TRAPPC9: variants seen among roughly 807,000 people sequenced by gnomAD.
The protein encoded by TRAPPC9 is IKK2 binding protein.
In TRAPPC9, 83 loss-of-function variants were observed where a neutral mutation model predicts 124.0. The observed-to-expected ratio is 0.67, with a 90% CI of 0.56 to 0.80. The LOEUF (loss-of-function observed/expected upper bound fraction) is 0.80, where lower values mean the gene tolerates loss of function less well. Among genes scored for constraint, TRAPPC9 ranks in the 30% least tolerant of loss-of-function variants. The pLI, the probability that TRAPPC9 is intolerant of heterozygous loss-of-function variation, is 0.00. For synonymous variants in TRAPPC9, 638 were observed against 617.5 expected, an observed-to-expected ratio of 1.03 and a Z score of -0.49; for missense variants, 1,302 against 1,508.3, an observed-to-expected ratio of 0.86 and a Z score of 2.27.
At chr8:140,128,924 C>T (rs952729577) in intron 17 of TRAPPC9, among the ~76,000 whole-genome samples, 1 of 150,950 alleles carries the variant, frequency 6.6e-6, no homozygotes, top group Non-Finnish European at 1.5e-5. Flanking sequence ...ACATATTTAA[C>T]AAACCTGCAC....
intron 16 of TRAPPC9, among the ~76,000 whole-genome samples, chr8:140,239,668 G>A (rs1404936832): frequency 6.6e-6 from 1 of 152,226 alleles, no homozygotes. Flanking sequence ...ACTCCGCCAG[G>A]TCCTCTGCTC....
At chr8:140,263,359 C>T (rs1041278640) in intron 15 of TRAPPC9, among the ~76,000 whole-genome samples, 1 of 152,136 alleles carries the variant, frequency 6.6e-6, no homozygotes, top group Admixed American at 6.5e-5. Context: ...CAAGGCACAA[C>T]ACCTGAAGCA....
intron 7 of TRAPPC9, among the ~76,000 whole-genome samples, chr8:140,393,207 T>A (rs1324563315): frequency 6.6e-6 from 1 of 151,938 alleles, no homozygotes; most frequent in Non-Finnish European, 1.5e-5. Flanking sequence ...GAGTAGCTGG[T>A]ATTACAGGTG....
intron 17 of TRAPPC9, among the ~76,000 whole-genome samples, chr8:140,130,423 T>C (rs946760566): frequency 1.3e-5 from 2 of 152,140 alleles, no homozygotes; most frequent in Non-Finnish European, 1.5e-5. Context: ...CATTCTGTAG[T>C]ATTCCTGTCC....
intron 9 of TRAPPC9, among the ~76,000 whole-genome samples, chr8:140,348,568 T>C (rs2067418690): frequency 1.3e-5 from 2 of 152,028 alleles, no homozygotes; most frequent in African/African-American, 4.8e-5. Flanking sequence ...TTCACCACAG[T>C]GTTATCAACA....
At chr8:140,413,216 C>A (rs958858819) in intron 5 of TRAPPC9, among the ~76,000 whole-genome samples, 1 of 152,108 alleles carries the variant, frequency 6.6e-6, no homozygotes, top group Admixed American at 6.6e-5. Context: ...CGGTGAAACC[C>A]CATCTCTACT....
intron 15 of TRAPPC9, among the ~76,000 whole-genome samples, chr8:140,272,523 CA>C (rs1394949068): frequency 2.7e-5 from 4 of 150,342 alleles, no homozygotes; most frequent in Admixed American, 2.6e-4. Flanking sequence ...GCAGTAGTGG[CA>C]AAAGTAGCAG....
chr8:139,951,243 C>A (rs1297567089), intron 19 of TRAPPC9, among the ~76,000 whole-genome samples: 4 of 152,246 alleles, frequency 2.6e-5, no homozygotes, highest in African/African-American at 7.2e-5. Context: ...CCCCACCGTT[C>A]TCTTCGAAGT....
chr8:140,090,264 C>T (rs1844475792), intron 17 of TRAPPC9, among the ~76,000 whole-genome samples: 1 of 152,036 alleles, frequency 6.6e-6, no homozygotes, highest in Non-Finnish European at 1.5e-5. Flanking sequence ...ATATTCACAC[C>T]AATATATACA....
At chr8:140,304,101 T>C (rs2066054829) in intron 10 of TRAPPC9, among the ~76,000 whole-genome samples, 1 of 150,996 alleles carries the variant, frequency 6.6e-6, no homozygotes, top group African/African-American at 2.4e-5. Context: ...TAATTTTTTT[T>C]TTTTTTTTTT....
chr8:139,931,920 T>G (rs568290562), intron 19 of TRAPPC9: 2 of 191,136 alleles, frequency 1.0e-5, no homozygotes, highest in South Asian at 2.1e-4. Context: ...AATTCTGTGT[T>G]GAAAATAAAG....
intron 11 of TRAPPC9, among the ~76,000 whole-genome samples, chr8:140,296,512 A>C (rs2131800319): frequency 6.6e-6 from 1 of 152,280 alleles, no homozygotes; most frequent in South Asian, 2.1e-4. Context: ...GCAATCCACC[A>C]GCCTCAGCCT....
At chr8:140,413,756 C>T (rs1011723867) in intron 5 of TRAPPC9, among the ~76,000 whole-genome samples, 5 of 147,170 alleles carry the variant, frequency 3.4e-5, no homozygotes, top group East Asian at 4.1e-4. Flanking sequence ...TGAGAATATG[C>T]GGTGTTTGGT....
At chr8:140,453,407 A>G (rs2071539128) in intron 1 of TRAPPC9, among the ~76,000 whole-genome samples, 1 of 152,166 alleles carries the variant, frequency 6.6e-6, no homozygotes, top group Admixed American at 6.5e-5. Context: ...AAACCCTCCC[A>G]GGTGACACTA....
At chr8:140,448,145 C>T (rs1250125342) in intron 2 of TRAPPC9, among the ~76,000 whole-genome samples, 1 of 90,106 alleles carries the variant, frequency 1.1e-5, no homozygotes, top group Non-Finnish European at 2.2e-5. Context: ...GACACCATCT[C>T]AAAAAAAAAA....
intron 17 of TRAPPC9, among the ~76,000 whole-genome samples, chr8:140,105,108 C>G (rs2060640444): frequency 6.6e-6 from 1 of 152,198 alleles, no homozygotes; most frequent in Non-Finnish European, 1.5e-5. Flanking sequence ...TACCCTCCCC[C>G]AGGTCTCCCC....
intron 21 of TRAPPC9, among the ~76,000 whole-genome samples, chr8:139,836,643 T>C (rs1490898982): frequency 1.3e-5 from 2 of 152,194 alleles, no homozygotes; most frequent in African/African-American, 2.4e-5. Flanking sequence ...TGAAGAGAGA[T>C]GGGCGTGGCT....
At chr8:140,030,929 G>A (rs778303655) in intron 17 of TRAPPC9, among the ~76,000 whole-genome samples, 6 of 152,098 alleles carry the variant, frequency 3.9e-5, no homozygotes, top group Non-Finnish European at 8.8e-5. Context: ...TGGTGGTGGT[G>A]GTGGTTACAT....
intron 20 of TRAPPC9, among the ~76,000 whole-genome samples, chr8:139,906,276 C>T (rs954540713): frequency 2.6e-5 from 4 of 152,190 alleles, no homozygotes; most frequent in Admixed American, 1.3e-4. Context: ...GCCCTGTGCC[C>T]GGCCAGTGCC....
Sources: gnomAD v4.1 joint callset for allele counts (sites outside exome capture counted in the v4.1 genomes callset) on GRCh38, gnomAD v4.1.1 for gene constraint, MANE v1.5 for transcripts, NCBI Gene and HGNC (gene_info 2026-07-23, HGNC 2026-07-21) for gene names.